AK8: variants seen among roughly 807,000 people sequenced by gnomAD.
AK8 encodes adenylate kinase 8.
In AK8, 44 loss-of-function variants were observed where a neutral mutation model predicts 54.6. The observed-to-expected ratio is 0.81, with a 90% CI of 0.63 to 1.04. The LOEUF (loss-of-function observed/expected upper bound fraction) is 1.04. AK8 is among the 50% of genes least tolerant of loss of function. The probability of loss-of-function intolerance (pLI) is 0.00; values close to 1 mark genes in which losing one functional copy is unlikely to be tolerated. For missense variants in AK8, 555 were observed against 613.6 expected (o/e 0.90, Z 1.01); for synonymous variants, 239 against 245.6 (o/e 0.97, Z 0.25).
At position 132,770,505 on chromosome 9, in the gene AK8, C is replaced by CG. The variant is rs935967923; in HGVS notation, c.1121+22128dup. On this transcript the variant is annotated intron_variant, in intron 11 of 12. Transcript: ENST00000298545. This position sits in a 1 kb window ranked among gnomAD's most constrained non-coding sequence, Gnocchi z 4.3. ...CCTGTGGAGGAGCGGGCTGGGAGCG[C>CG]GGGGGATGCCCCTCGCCCTGCACGC... Among the ~76,000 whole-genome samples, 4 of 152,112 alleles carry CG rather than the reference C, an allele frequency of 2.6e-5. No individual in the cohort carries two copies. Among genetic ancestry groups the CG allele is most frequent in the Non-Finnish European group, 1.5e-5 (1 of 67,992 alleles).
At chr9:132,800,354 T>TC (rs1564407947) in intron 10 of AK8, among the ~76,000 whole-genome samples, 1 of 152,050 alleles carries the variant, frequency 6.6e-6, no homozygotes, top group African/African-American at 2.4e-5. Flanking sequence ...GGGTTCTGCA[T>TC]CCCCCAAGTG....
At chr9:132,809,154 G>A (rs1045247961) in intron 10 of AK8, among the ~76,000 whole-genome samples, 7 of 152,162 alleles carry the variant, frequency 4.6e-5, no homozygotes, top group Admixed American at 3.3e-4. Context: ...CAGGAATGCC[G>A]CTGGCACCCA....
chr9:132,841,826 T>C (rs1457634065), intron 5 of AK8, among the ~76,000 whole-genome samples: 1 of 152,174 alleles, frequency 6.6e-6, no homozygotes, highest in Non-Finnish European at 1.5e-5. Flanking sequence ...TCAAGCACCC[T>C]GGCGCTTGAT....
At chr9:132,749,648 G>C (rs1335135139) in intron 11 of AK8, among the ~76,000 whole-genome samples, 3 of 151,784 alleles carry the variant, frequency 2.0e-5, no homozygotes, top group South Asian at 4.1e-4. Flanking sequence ...GAGCCACTGG[G>C]CTGTGTTGCT....
chr9:132,854,518 C>T (rs978245887), intron 5 of AK8, among the ~76,000 whole-genome samples: 1 of 152,238 alleles, frequency 6.6e-6, no homozygotes, highest in Admixed American at 6.5e-5. Flanking sequence ...AATTCTGCCT[C>T]CTGCCGATGC....
chr9:132,805,730 C>A (rs971535587), intron 10 of AK8, among the ~76,000 whole-genome samples: 1 of 152,090 alleles, frequency 6.6e-6, no homozygotes, highest in Non-Finnish European at 1.5e-5. Flanking sequence ...GCCCTCCAGC[C>A]CCCACAATGC....
Position 132,827,183 on chromosome 9 carries a change from G to A in AK8, c.557-129C>T. ...CATTCCTGGGGTGTGGCTGACCACG[G>A]CAGGACACCGTTGCTCAACACCAGC... On this transcript the variant is annotated intron_variant, in intron 7 of 12. Transcript: ENST00000298545. 3.6e-6 allele frequency: 3 copies of A among 843,010 alleles called. No homozygotes were observed. The Admixed American group carries it at 6.4e-5, about 18-fold the overall frequency. The allele number at this position is 843,010 out of a possible 1,614,324, so 52.2% of individuals were successfully genotyped here.
intron 11 of AK8, among the ~76,000 whole-genome samples, chr9:132,780,933 C>T (rs1839439236): frequency 6.6e-6 from 1 of 152,058 alleles, no homozygotes; most frequent in Non-Finnish European, 1.5e-5. Flanking sequence ...CTTGCCCTGC[C>T]CCCTCCCTCC....
intron 11 of AK8, among the ~76,000 whole-genome samples, chr9:132,786,529 A>G (rs1242851347): frequency 1.3e-5 from 2 of 152,134 alleles, no homozygotes; most frequent in African/African-American, 2.4e-5. Flanking sequence ...AGGAGACTGC[A>G]TGAGTCCTCT....
chr9:132,849,880 C>T (rs1209340335), intron 5 of AK8, among the ~76,000 whole-genome samples: 5 of 150,510 alleles, frequency 3.3e-5, no homozygotes, highest in South Asian at 4.2e-4. Context: ...CGAGTAGCTG[C>T]GATTACAGGT....
intron 9 of AK8, 82 bp downstream of exon 9, chr9:132,823,123 C>T (rs1468749004): frequency 5.4e-6 from 8 of 1,473,936 alleles, no homozygotes; most frequent in Non-Finnish European, 6.3e-6. Context: ...CACCACCCCC[C>T]ATAAAATGAG....
chr9:132,864,027 G>T (rs1178706568), intron 3 of AK8, among the ~76,000 whole-genome samples: 2 of 152,184 alleles, frequency 1.3e-5, no homozygotes, highest in African/African-American at 2.4e-5. Flanking sequence ...AGACCTACAG[G>T]CAGGTTACAT....
At chr9:132,843,406 C>T (rs1842620077) in intron 5 of AK8, among the ~76,000 whole-genome samples, 1 of 152,190 alleles carries the variant, frequency 6.6e-6, no homozygotes, top group Non-Finnish European at 1.5e-5. Flanking sequence ...GATGCCAGCA[C>T]CATGCTTCTC....
rs868797414 is a variant in AK8 at position 132,813,755 on chromosome 9, G to T, written c.979+883C>A. The stretch of plus-strand genomic sequence containing the variant: ...GAAGCCTGACTAGAATGCTCCCAAA[G>T]GTGCCCTTACTGTGGGTCAGATCCT... On this transcript the variant is annotated intron_variant, in intron 10 of 12. Transcript: ENST00000298545. Among the ~76,000 whole-genome samples, 15 of 152,246 alleles carry T rather than the reference G, an allele frequency of 9.9e-5. No homozygotes were observed. In the South Asian group the frequency reaches 1.9e-3, roughly 19 times the overall value.
chr9:132,801,393 A>T (rs1041916312), intron 10 of AK8, among the ~76,000 whole-genome samples: 12 of 152,190 alleles, frequency 7.9e-5, no homozygotes, highest in Admixed American at 7.2e-4. Flanking sequence ...TTTTATTTTA[A>T]AGTACATTTT....
chr9:132,854,007 C>A (rs1843073400), intron 5 of AK8, among the ~76,000 whole-genome samples: 1 of 151,910 alleles, frequency 6.6e-6, no homozygotes. Context: ...TGATAACCAG[C>A]CTGGGCAACA....
At chr9:132,758,881 A>G (rs772041531) in intron 11 of AK8, among the ~76,000 whole-genome samples, 1 of 152,046 alleles carries the variant, frequency 6.6e-6, no homozygotes, top group Non-Finnish European at 1.5e-5. Flanking sequence ...TAATTCACAC[A>G]CCATAAAATT....
In AK8 at chr9:132,812,546, G is replaced by A. The variant is rs865916418; in HGVS notation, c.979+2092C>T. 4.6e-4 allele frequency among the ~76,000 whole-genome samples: 33 copies of A among 71,452 alleles called. 1 individual carries two copies. Among genetic ancestry groups the A allele is most frequent in the South Asian group, 3.3e-3 (9 of 2,750 alleles). 46.9% of individuals were successfully genotyped at this position (71,452 alleles called of 152,430 possible). On this transcript the variant is annotated intron_variant, in intron 10 of 12. Transcript: ENST00000298545. The stretch of plus-strand genomic sequence containing the variant: ...GAGCTACCGTGCCCACTGGGATGAC[G>A]GGTGAGCCGCCGCGCCCGGCCGCTA...
intron 11 of AK8, among the ~76,000 whole-genome samples, chr9:132,755,877 C>A (rs1838163876): frequency 6.6e-6 from 1 of 152,132 alleles, no homozygotes; most frequent in Non-Finnish European, 1.5e-5. Flanking sequence ...AAGTGATTCT[C>A]CTGCCTCAGC....
Sources: allele counts gnomAD v4.1 joint callset (sites outside exome capture counted in the v4.1 genomes callset), GRCh38; gene constraint gnomAD v4.1.1; non-coding constraint Gnocchi (gnomAD v3.1); transcripts MANE v1.5; gene names NCBI Gene and HGNC (gene_info 2026-07-23, HGNC 2026-07-21).